Variants in AGAP3 observed in about 807,000 individuals in gnomAD.
AGAP3 encodes arf-GAP with GTPase, ANK repeat and PH domain-containing protein 3.
In AGAP3, 24 loss-of-function variants were observed where a neutral mutation model predicts 96.9. The ratio of observed to expected loss-of-function variants is 0.25; its 90% CI spans 0.18 to 0.35. The LOEUF (loss-of-function observed/expected upper bound fraction) is 0.35, where lower values mean the gene tolerates loss of function less well. AGAP3 is among the 10% of genes least tolerant of loss of function. The pLI is 1.00. For missense variants in AGAP3, 876 were observed against 1,254.2 expected, an observed-to-expected ratio of 0.70 and a Z score of 4.55; for synonymous variants, 563 against 536.1, an observed-to-expected ratio of 1.05 and a Z score of -0.69.
At chr7:151,112,854 G>A (rs899614204) in intron 1 of AGAP3, among the ~76,000 whole-genome samples, 40 of 151,646 alleles carry the variant, frequency 2.6e-4, no homozygotes, top group African/African-American at 9.5e-4. Flanking sequence ...TGCCTGCCTC[G>A]GCCTCCCAAA....
intron 11 of AGAP3, chr7:151,137,887 C>T (rs1013272211): frequency 2.0e-4 from 104 of 515,060 alleles, no homozygotes; most frequent in Middle Eastern, 2.0e-3. Flanking sequence ...GATGCAGAGA[C>T]CCCCCGCCCC....
rs372947093 is a variant in AGAP3, at chr7:151,118,351, C to T, written c.841+7C>T. On this transcript the variant is annotated splice_region_variant and intron_variant, in intron 6 of 17. Coordinates refer to ENST00000397238, the MANE Select transcript of AGAP3 (RefSeq NM_031946.7). The surrounding 1 kb of genome is among the most constrained non-coding windows in gnomAD (Gnocchi z 6.1). Reference sequence around the variant, plus strand: ...GAGCGTGTCTTCCAGGACGGTAACTCGGGTGCCGGGTGGGAGTCACTGGCA... The same window carrying T: ...GAGCGTGTCTTCCAGGACGGTAACTTGGGTGCCGGGTGGGAGTCACTGGCA... 2.9e-5 allele frequency: 46 copies of T among 1,606,800 alleles called. No homozygotes were observed. The African/African-American group carries it at 3.1e-4, about 11-fold the overall frequency.
At chr7:151,088,488 T>C (rs1585027212) in intron 1 of AGAP3, among the ~76,000 whole-genome samples, 1 of 152,138 alleles carries the variant, frequency 6.6e-6, no homozygotes, top group East Asian at 1.9e-4. Context: ...GATGACCAAT[T>C]TTTCCTCTTA....
chr7:151,123,546 C>A, intron 8 of AGAP3: 1 of 1,328,824 alleles, frequency 7.5e-7, no homozygotes, highest in Non-Finnish European at 9.6e-7. Context: ...CTCGGCCTCT[C>A]TGTCCTTGCT....
intron 1 of AGAP3, chr7:151,116,314 C>A (rs568927162): frequency 1.3e-5 from 2 of 158,048 alleles, no homozygotes; most frequent in African/African-American, 4.8e-5. Context: ...TCCCTCTTCA[C>A]CCGGCTCAGG....
chr7:151,121,520 T>C (rs1799890706), intron 8 of AGAP3, among the ~76,000 whole-genome samples: 1 of 152,092 alleles, frequency 6.6e-6, no homozygotes, highest in Non-Finnish European at 1.5e-5. Flanking sequence ...TGGCAAGCTC[T>C]GTAGCAACCC....
chr7:151,139,713 T>A lies in AGAP3; in HGVS notation c.1667-266T>A, dbSNP rs755583697. The A allele has an allele frequency of 2.4e-4, 74 of 311,366 alleles. No individual in the cohort carries two copies. The highest frequency in any genetic ancestry group is 1.7e-3 in the Middle Eastern group (2 of 1,164). The allele number at this position is 311,366 out of a possible 1,614,324, so 19.3% of individuals were successfully genotyped here. A position where few individuals can be genotyped will look rare whatever the true frequency, so the allele number is the denominator to read the frequency against. On this transcript the variant is annotated intron_variant, in intron 12 of 17. Transcript: ENST00000397238. The surrounding 1 kb of genome is among the most constrained non-coding windows in gnomAD (Gnocchi z 4.9). ...TGGGCTGCCTTCCACCCCTCCAGGC[T>A]GCAGAGGCAGCTTCCTCCCTTTGCC...
intron 1 of AGAP3, among the ~76,000 whole-genome samples, chr7:151,099,819 T>TC (rs1447820902): frequency 6.6e-6 from 1 of 152,076 alleles, no homozygotes; most frequent in African/African-American, 2.4e-5. Context: ...AAGGTTTTTT[T>TC]TGTTTGTTTG....
Position 151,123,867 on chromosome 7 carries a change from G to T in AGAP3, c.1202G>T (p.Arg401Leu). The T allele has an allele frequency of 6.2e-7, 1 of 1,609,632 alleles. No individual in the cohort carries two copies. The change falls in exon 9 of 18, where the codon CGC becomes CTC. Residue 401 changes from arginine (R) to leucine (L), a missense_variant. Coordinates refer to ENST00000397238, the MANE Select transcript of AGAP3 (RefSeq NM_031946.7). The part of the protein sequence containing the change: ...ECKVDSIGSG[R>L]AIPIKQGILL... The stretch of plus-strand genomic sequence containing the variant: ...AAGGTGGACAGCATCGGGAGCGGCC[G>T]CGCCATCCCCATCAAGCAGGTCAGC...
At chr7:151,100,854 T>A (rs1798808711) in intron 1 of AGAP3, among the ~76,000 whole-genome samples, 1 of 151,914 alleles carries the variant, frequency 6.6e-6, no homozygotes, top group Non-Finnish European at 1.5e-5. Context: ...AAAATAATAA[T>A]AAAATAATAA....
At chr7:151,092,031 T>C (rs903664985) in intron 1 of AGAP3, among the ~76,000 whole-genome samples, 1 of 152,170 alleles carries the variant, frequency 6.6e-6, no homozygotes, top group African/African-American at 2.4e-5. Flanking sequence ...GGCAGGACCC[T>C]GGTGAAGGAG....
At chr7:151,098,338 G>A (rs773435679) in intron 1 of AGAP3, among the ~76,000 whole-genome samples, 15 of 152,146 alleles carry the variant, frequency 9.9e-5, no homozygotes, top group Middle Eastern at 3.4e-3. Context: ...CAGCTTGGGC[G>A]ACAGAGGGAG....
chr7:151,119,936 C>G (rs763139117), intron 7 of AGAP3, 51 bp from the exon 8 acceptor site: 1 of 1,594,698 alleles, frequency 6.3e-7, no homozygotes, highest in East Asian at 2.2e-5. Context: ...CGCCTGGTGC[C>G]CGTCCCGCCC....
chr7:151,087,736 C>T (rs1303724982), intron 1 of AGAP3, among the ~76,000 whole-genome samples: 2 of 152,252 alleles, frequency 1.3e-5, no homozygotes, highest in Non-Finnish European at 2.9e-5. Flanking sequence ...GCTGACCGAC[C>T]GCCAGGGACA....
At position 151,138,006 on chromosome 7, in the gene AGAP3, C is replaced by T; in HGVS notation, c.1496-137C>T. On this transcript the variant is annotated intron_variant, in intron 11 of 17. Coordinates refer to ENST00000397238, the MANE Select transcript of AGAP3 (RefSeq NM_031946.7). ...GCGCAGCCTCTGGCTCTCCCAGAAG[C>T]TGGCCCGCCACCTGATGAACCCAGT... 4.3e-6 allele frequency: 3 copies of T among 702,666 alleles called. No individual in the cohort carries two copies. In the South Asian group the frequency reaches 5.6e-5, roughly 13 times the overall value. 43.5% of individuals were successfully genotyped at this position (702,666 alleles called of 1,614,324 possible). A position where few individuals can be genotyped will look rare whatever the true frequency, so the allele number is the denominator to read the frequency against.
chr7:151,113,744 G>C (rs1799403780), intron 1 of AGAP3, among the ~76,000 whole-genome samples: 1 of 152,228 alleles, frequency 6.6e-6, no homozygotes. Context: ...GCCTGGGAGA[G>C]GACTGATGTT....
chr7:151,127,152 T>C (rs1800212361), intron 9 of AGAP3, among the ~76,000 whole-genome samples: 2 of 152,156 alleles, frequency 1.3e-5, no homozygotes, highest in South Asian at 4.1e-4. Flanking sequence ...TAGCCTTCTA[T>C]TAGGAAGAAC....
chr7:151,102,288 G>A (rs780194421), intron 1 of AGAP3, among the ~76,000 whole-genome samples: 6 of 152,164 alleles, frequency 3.9e-5, no homozygotes, highest in Admixed American at 6.5e-5. Context: ...TGGCTTCACC[G>A]CAGTAGTGCT....
At chr7:151,092,182 C>T (rs976903224) in intron 1 of AGAP3, among the ~76,000 whole-genome samples, 3 of 152,188 alleles carry the variant, frequency 2.0e-5, no homozygotes, top group Admixed American at 6.5e-5. Flanking sequence ...GCATCCACAC[C>T]GCTCGTTTGT....
Sources: allele counts gnomAD v4.1 joint callset (sites outside exome capture counted in the v4.1 genomes callset), GRCh38; gene constraint gnomAD v4.1.1; non-coding constraint Gnocchi (gnomAD v3.1); transcripts MANE v1.5; gene names NCBI Gene and HGNC (gene_info 2026-07-23, HGNC 2026-07-21).